Variants in ALDH1L1 observed in about 807,000 individuals in gnomAD.
ALDH1L1 encodes the protein aldehyde dehydrogenase 1 family member L1, also known as cytosolic 10-formyltetrahydrofolate dehydrogenase.
ALDH1L1 carries 68 observed loss-of-function variants against 101.1 expected under a neutral mutation model. The observed-to-expected ratio is 0.67, with a 90% CI of 0.55 to 0.82. The LOEUF (loss-of-function observed/expected upper bound fraction) is 0.82, where lower values mean the gene tolerates loss of function less well. Ranked by LOEUF, ALDH1L1 falls within the 40% of genes least tolerant of loss-of-function variation. ALDH1L1 has a pLI of 0.00. For synonymous variants in ALDH1L1, 486 were observed against 470.8 expected (o/e 1.03, Z -0.42); for missense variants, 1,087 against 1,172.7 (o/e 0.93, Z 1.07).
intron 15 of ALDH1L1, among the ~76,000 whole-genome samples, chr3:126,125,050 A>C (rs1167886439): frequency 6.6e-6 from 1 of 152,090 alleles, no homozygotes; most frequent in Non-Finnish European, 1.5e-5. Context: ...CAGATGGAGA[A>C]ACTGAGGCTC....
intron 3 of ALDH1L1, 149 bp from the exon 4 acceptor site, chr3:126,157,657 G>A: frequency 1.2e-6 from 1 of 828,864 alleles, no homozygotes; most frequent in South Asian, 1.8e-5. Flanking sequence ...ACGGAAGAAG[G>A]AAAACAGCAT....
At chr3:126,107,517 C>A (rs4646747) in intron 20 of ALDH1L1, among the ~76,000 whole-genome samples, 1 of 152,198 alleles carries the variant, frequency 6.6e-6, no homozygotes, top group Non-Finnish European at 1.5e-5. Flanking sequence ...AGACCTGATC[C>A]CAAGTCCATC....
chr3:126,178,760 G>T (rs2081413721), intron 1 of ALDH1L1, among the ~76,000 whole-genome samples: 1 of 152,028 alleles, frequency 6.6e-6, no homozygotes, highest in African/African-American at 2.4e-5. Context: ...GTGTGTGTGT[G>T]TGTGTGTCTG....
chr3:126,174,908 T>C (rs908091469), intron 1 of ALDH1L1, among the ~76,000 whole-genome samples: 1 of 152,022 alleles, frequency 6.6e-6, no homozygotes, highest in African/African-American at 2.4e-5. Context: ...GCAGAACTTG[T>C]GAAATTGAAA....
At position 126,136,859 on chromosome 3, in the gene ALDH1L1, T is replaced by G; in HGVS notation, c.1249A>C (p.Thr417Pro). Residue 417 changes from threonine to proline, a missense_variant, in exon 11 of 23, where the codon ACT becomes CCT. Coordinates refer to ENST00000393434, the MANE Select transcript of ALDH1L1 (RefSeq NM_012190.4). Reference protein sequence around the residue: ...DYVEMAVNKRTVRMPHQLFIG... With the variant: ...DYVEMAVNKRPVRMPHQLFIG... Reference sequence around the variant, plus strand: ...AAGAGCTGGTGGGGCATGCGGACAGTGCGCTTGTTCACTGCCATTTCCACC... The same window carrying G: ...AAGAGCTGGTGGGGCATGCGGACAGGGCGCTTGTTCACTGCCATTTCCACC... The G allele has an allele frequency of 6.2e-7, 1 of 1,613,050 alleles. No individual in the cohort carries two copies. The highest frequency in any genetic ancestry group is 8.5e-7 in the Non-Finnish European group (1 of 1,179,698).
At chr3:126,166,006 G>T (rs1352333250) in intron 1 of ALDH1L1, among the ~76,000 whole-genome samples, 1 of 151,840 alleles carries the variant, frequency 6.6e-6, no homozygotes, top group Non-Finnish European at 1.5e-5. Context: ...TTTAGGTGAA[G>T]TTAGTTTGTT....
At chr3:126,141,952 A>T (rs1244821227) in intron 9 of ALDH1L1, among the ~76,000 whole-genome samples, 1 of 152,132 alleles carries the variant, frequency 6.6e-6, no homozygotes, top group Non-Finnish European at 1.5e-5. Context: ...ACAAACCTTT[A>T]TCTGACTGAC....
intron 2 of ALDH1L1, 96 bp downstream of exon 2, chr3:126,160,757 C>CA: frequency 1.3e-6 from 2 of 1,539,424 alleles, no homozygotes; most frequent in Non-Finnish European, 1.8e-6. Flanking sequence ...ACAGGCCCTG[C>CA]AGACTTCTGC....
At chr3:126,107,480 G>A (rs1945922478) in intron 20 of ALDH1L1, among the ~76,000 whole-genome samples, 1 of 152,222 alleles carries the variant, frequency 6.6e-6, no homozygotes, top group Non-Finnish European at 1.5e-5. Context: ...GGGAAATGGG[G>A]CCGCCGGTTG....
intron 1 of ALDH1L1, among the ~76,000 whole-genome samples, chr3:126,179,175 C>A (rs1045588063): frequency 6.6e-6 from 1 of 152,240 alleles, no homozygotes; most frequent in African/African-American, 2.4e-5. Flanking sequence ...CCTCCTCCCC[C>A]AGTCATGGCC....
intron 1 of ALDH1L1, among the ~76,000 whole-genome samples, chr3:126,163,915 C>T (rs2081111749): frequency 6.6e-6 from 1 of 152,160 alleles, no homozygotes; most frequent in Non-Finnish European, 1.5e-5. Context: ...GGGCAGATTG[C>T]TAGAGGCCAG....
chr3:126,184,694 G>A (rs994796869), upstream of ALDH1L1, among the ~76,000 whole-genome samples: 7 of 152,220 alleles, frequency 4.6e-5, no homozygotes, highest in Non-Finnish European at 8.8e-5. Flanking sequence ...CTGGCTCAGG[G>A]CTCTGTGAAT....
At chr3:126,179,604 C>T (rs955630490) in intron 1 of ALDH1L1, 2 of 152,250 alleles carry the variant, frequency 1.3e-5, no homozygotes, top group Admixed American at 1.3e-4. Flanking sequence ...GAGGCAGGCA[C>T]TACTGTTCAT....
Position 126,137,733 on chromosome 3 carries a change from C to T in ALDH1L1, c.1224+80G>A. ...CCTGGCTTTCTGAATGTCCAGGTTT[C>T]CCCTCTTGTCTTATGTAGTCATAGA... On this transcript the variant is annotated intron_variant, in intron 10 of 22. Transcript: ENST00000393434. The T allele has an allele frequency of 2.6e-6, 4 of 1,525,752 alleles. 1 individual carries two copies. The South Asian group carries it at 5.2e-5, about 20-fold the overall frequency. The allele number at this position is 1,525,752 out of a possible 1,614,324, so 94.5% of individuals were successfully genotyped here. A position where few individuals can be genotyped will look rare whatever the true frequency, so the allele number is the denominator to read the frequency against.
At chr3:126,131,699 G>A (rs1228947079) in intron 12 of ALDH1L1, among the ~76,000 whole-genome samples, 165 bp from the exon 13 acceptor site, 2 of 152,242 alleles carry the variant, frequency 1.3e-5, no homozygotes, top group Non-Finnish European at 1.5e-5. Flanking sequence ...GGCCAGCACC[G>A]TTTACTCCAC....
chr3:126,150,304 C>A, intron 8 of ALDH1L1, 102 bp downstream of exon 8: 1 of 1,466,936 alleles, frequency 6.8e-7, no homozygotes, highest in Non-Finnish European at 9.1e-7. Flanking sequence ...CAGACACCCA[C>A]AGAGGGCTGG....
At chr3:126,114,777 G>T in intron 17 of ALDH1L1, 121 bp from the exon 18 acceptor site, 1 of 910,402 alleles carries the variant, frequency 1.1e-6, no homozygotes. Context: ...GCAAGACCCG[G>T]CCAGTGCCTC....
intron 2 of ALDH1L1, among the ~76,000 whole-genome samples, chr3:126,159,227 C>G (rs1420242075): frequency 4.6e-5 from 7 of 151,744 alleles, no homozygotes; most frequent in Non-Finnish European, 7.4e-5. Context: ...TGCGTGCACA[C>G]ACACACACAC....
chr3:126,182,493 T>A (rs2081485258), upstream of ALDH1L1, among the ~76,000 whole-genome samples: 1 of 152,162 alleles, frequency 6.6e-6, no homozygotes, highest in Admixed American at 6.5e-5. Context: ...ATTGCTTGAT[T>A]AACATGTCTC....
Sources: allele counts gnomAD v4.1 joint callset (sites outside exome capture counted in the v4.1 genomes callset), GRCh38; gene constraint gnomAD v4.1.1; transcripts MANE v1.5; gene names NCBI Gene and HGNC (gene_info 2026-07-23, HGNC 2026-07-21).